The following EEIG2 variants were observed in gnomAD, a reference collection of about 807,000 sequenced individuals.
EEIG2 encodes EEIG family member 2, also known as family with sequence similarity 102 member B.
the EEIG2 span, chr1:108,636,599 A>G: frequency 1.3e-5 from 2 of 152,226 alleles, no homozygotes; most frequent in Non-Finnish European, 2.9e-5. Flanking sequence ...ATCCAATACT[A>G]TTCCAACAAA....
the EEIG2 span, among the ~76,000 whole-genome samples, chr1:108,592,361 A>C: frequency 2.0e-5 from 3 of 152,196 alleles, no homozygotes; most frequent in Admixed American, 6.5e-5. Flanking sequence ...TCCCACCTTC[A>C]TCATTTCTGG....
At chr1:108,561,717 G>C in the EEIG2 span, among the ~76,000 whole-genome samples, 2 of 152,216 alleles carry the variant, frequency 1.3e-5, no homozygotes, top group Non-Finnish European at 2.9e-5. Context: ...TGGATATTCA[G>C]CTAAGTATTT....
the EEIG2 span, among the ~76,000 whole-genome samples, chr1:108,632,140 G>C: frequency 5.6e-5 from 7 of 124,446 alleles, no homozygotes; most frequent in South Asian, 1.9e-3. Context: ...AAAAAAAGAA[G>C]AAGAAGAAGA....
the EEIG2 span, among the ~76,000 whole-genome samples, chr1:108,579,772 T>TGTGAGAGAGAGAGAGA: frequency 6.9e-3 from 408 of 58,880 alleles, 4 homozygotes; most frequent in Middle Eastern, 9.6e-3. Flanking sequence ...TGTGTGTGTG[T>TGTGAGAGAGAGAGAGA]GAGAGAGAGA....
chr1:108,600,540 A>T, the EEIG2 span: 1 of 1,608,382 alleles, frequency 6.2e-7, no homozygotes, highest in Non-Finnish European at 8.5e-7. Context: ...TAGTTAATTA[A>T]TTGGCTCTTT....
At chr1:108,607,994 C>T in the EEIG2 span, among the ~76,000 whole-genome samples, 2 of 152,130 alleles carry the variant, frequency 1.3e-5, no homozygotes, top group African/African-American at 4.8e-5. Flanking sequence ...CTATTCATTG[C>T]TTATAAAGGA....
the EEIG2 span, among the ~76,000 whole-genome samples, chr1:108,598,550 C>T: frequency 6.6e-6 from 1 of 151,984 alleles, no homozygotes; most frequent in African/African-American, 2.4e-5. Flanking sequence ...CAATAAATTA[C>T]ACCCTGCCTG....
the EEIG2 span, among the ~76,000 whole-genome samples, chr1:108,567,470 G>A: frequency 0.025 from 3,865 of 152,294 alleles, 165 homozygotes; most frequent in African/African-American, 0.088. Context: ...AGAGCTAGGA[G>A]GCATTCTAGC....
chr1:108,600,584 C>T, the EEIG2 span: 1 of 1,611,394 alleles, frequency 6.2e-7, no homozygotes, highest in East Asian at 2.2e-5. Flanking sequence ...TACAAGCAAA[C>T]TGTGTTCGCT....
At chr1:108,592,476 G>T in the EEIG2 span, among the ~76,000 whole-genome samples, 3 of 152,130 alleles carry the variant, frequency 2.0e-5, no homozygotes, top group Non-Finnish European at 4.4e-5. Flanking sequence ...TCTTGTCTTG[G>T]CTTATTTGAC....
the EEIG2 span, among the ~76,000 whole-genome samples, chr1:108,620,353 G>T: frequency 1.3e-5 from 2 of 150,922 alleles, no homozygotes; most frequent in Admixed American, 6.6e-5. Flanking sequence ...ATACCATAAG[G>T]CCAGAATTTA....
the EEIG2 span, chr1:108,638,420 A>AAAG: frequency 6.6e-6 from 1 of 152,230 alleles, no homozygotes; most frequent in Non-Finnish European, 1.5e-5. Flanking sequence ...AGACTTTCAG[A>AAAG]TTTCTATGCT....
At chr1:108,595,397 A>T in the EEIG2 span, among the ~76,000 whole-genome samples, 3 of 131,982 alleles carry the variant, frequency 2.3e-5, no homozygotes, top group African/African-American at 5.8e-5. Context: ...GGAAGGAAGG[A>T]AGGAGCGAGC....
At chr1:108,582,554 C>T in the EEIG2 span, among the ~76,000 whole-genome samples, 1 of 151,950 alleles carries the variant, frequency 6.6e-6, no homozygotes, top group East Asian at 1.9e-4. Flanking sequence ...TTTTTTGTGG[C>T]AATTTATAGT....
chr1:108,579,772 T>TGAGAGAGAGAGA, the EEIG2 span, among the ~76,000 whole-genome samples: 8,470 of 58,836 alleles, frequency 0.14, 1,071 homozygotes, highest in East Asian at 0.51. Flanking sequence ...TGTGTGTGTG[T>TGAGAGAGAGAGA]GAGAGAGAGA....
At chr1:108,623,407 AT>A in the EEIG2 span, among the ~76,000 whole-genome samples, 1 of 152,144 alleles carries the variant, frequency 6.6e-6, no homozygotes, top group Non-Finnish European at 1.5e-5. Flanking sequence ...AGGAAGAAGG[AT>A]TGCTTGAGCT....
At chr1:108,618,367 A>G in the EEIG2 span, among the ~76,000 whole-genome samples, 3 of 152,186 alleles carry the variant, frequency 2.0e-5, no homozygotes, top group Admixed American at 2.0e-4. Context: ...CAGGGAAGAT[A>G]GAGGAAGGGG....
At chr1:108,573,632 T>C in the EEIG2 span, among the ~76,000 whole-genome samples, 1 of 152,162 alleles carries the variant, frequency 6.6e-6, no homozygotes, top group Non-Finnish European at 1.5e-5. Context: ...ATATATTTCA[T>C]AAGAGATTGA....
At chr1:108,590,429 G>A in the EEIG2 span, among the ~76,000 whole-genome samples, 5 of 152,224 alleles carry the variant, frequency 3.3e-5, no homozygotes, top group East Asian at 1.9e-4. Context: ...AAATTGAGGT[G>A]GACTATATAC....
Sources: gnomAD v4.1 joint callset for allele counts (sites outside exome capture counted in the v4.1 genomes callset) on GRCh38, gnomAD v4.1.1 for gene constraint, MANE v1.5 for transcripts, NCBI Gene and HGNC (gene_info 2026-07-23, HGNC 2026-07-21) for gene names.